RXFP1: variants seen among roughly 807,000 people sequenced by gnomAD.
RXFP1 encodes relaxin family peptide receptor 1.
Under a neutral mutation model 89.8 loss-of-function variants are expected in RXFP1, and 73 were observed. That is an observed-to-expected ratio of 0.81 (90% CI 0.67 to 0.99). The LOEUF is 0.99. RXFP1 is among the 50% of genes least tolerant of loss of function. The probability of loss-of-function intolerance (pLI) is 0.00; values close to 1 mark genes in which losing one functional copy is unlikely to be tolerated. For missense variants in RXFP1, 793 were observed against 895.5 expected (o/e 0.89, Z 1.46); for synonymous variants, 277 against 305.5 (o/e 0.91, Z 0.97).
chr4:158,577,660 A>G (rs1214253532), intron 2 of RXFP1, among the ~76,000 whole-genome samples: 2 of 152,144 alleles, frequency 1.3e-5, no homozygotes, highest in Admixed American at 6.5e-5. Context: ...CTTGACACTA[A>G]TAATAATTAT....
chr4:158,611,256 C>T (rs563358012), intron 6 of RXFP1, among the ~76,000 whole-genome samples: 14 of 152,152 alleles, frequency 9.2e-5, no homozygotes, highest in East Asian at 1.9e-4. Flanking sequence ...TCAAACTGTT[C>T]GATAGCAGAT....
At chr4:158,568,298 T>G (rs1754201737) in intron 1 of RXFP1, among the ~76,000 whole-genome samples, 3 of 152,142 alleles carry the variant, frequency 2.0e-5, no homozygotes, top group Non-Finnish European at 4.4e-5. Flanking sequence ...ATACAATCAT[T>G]GAGGAGCTAT....
chr4:158,592,755 C>G (rs1759750639), intron 2 of RXFP1, among the ~76,000 whole-genome samples: 2 of 151,986 alleles, frequency 1.3e-5, no homozygotes, highest in Admixed American at 6.6e-5. Flanking sequence ...CTTAAAACGT[C>G]AAAATATTAC....
intron 1 of RXFP1, among the ~76,000 whole-genome samples, chr4:158,540,535 A>G (rs1560969435): frequency 6.6e-6 from 1 of 151,648 alleles, no homozygotes; most frequent in East Asian, 1.9e-4. Flanking sequence ...TTTATCAGCA[A>G]GGTCTTTATG....
chr4:158,592,434 C>T (rs550691769), intron 2 of RXFP1, among the ~76,000 whole-genome samples: 59 of 151,998 alleles, frequency 3.9e-4, no homozygotes, highest in African/African-American at 1.3e-3. Flanking sequence ...ATTTGCTAGG[C>T]GTGGTGGCGG....
intron 2 of RXFP1, among the ~76,000 whole-genome samples, chr4:158,577,551 A>G (rs1206911733): frequency 6.6e-6 from 1 of 152,216 alleles, no homozygotes; most frequent in Non-Finnish European, 1.5e-5. Context: ...GTCAAATAAA[A>G]TACCTTCTTT....
intron 1 of RXFP1, among the ~76,000 whole-genome samples, chr4:158,525,840 G>A (rs866051610): frequency 6.6e-6 from 1 of 152,176 alleles, no homozygotes; most frequent in Non-Finnish European, 1.5e-5. Flanking sequence ...TCTTAGTAAT[G>A]TTACAAAGGA....
intron 6 of RXFP1, among the ~76,000 whole-genome samples, 176 bp from the exon 7 acceptor site, chr4:158,611,954 T>G (rs1454702912): frequency 6.6e-6 from 1 of 152,188 alleles, no homozygotes; most frequent in Non-Finnish European, 1.5e-5. Context: ...ATGGGGAAAT[T>G]TAAAACTAGG....
chr4:158,587,453 G>T (rs1269401467), intron 2 of RXFP1, among the ~76,000 whole-genome samples: 1 of 152,072 alleles, frequency 6.6e-6, no homozygotes, highest in Non-Finnish European at 1.5e-5. Context: ...AACAACTTCT[G>T]GTTGTTATTT....
intron 1 of RXFP1, among the ~76,000 whole-genome samples, chr4:158,567,929 G>A (rs1000851471): frequency 1.1e-4 from 16 of 152,148 alleles, no homozygotes; most frequent in South Asian, 2.1e-4. Context: ...TCTTTTGCTC[G>A]TTGCAATAAA....
At chr4:158,612,029 G>C in intron 6 of RXFP1, 101 bp from the exon 7 acceptor site, 1 of 885,240 alleles carries the variant, frequency 1.1e-6, no homozygotes, top group Admixed American at 2.4e-5. Flanking sequence ...TGATGAGAAT[G>C]CTATGTAAAA....
intron 1 of RXFP1, among the ~76,000 whole-genome samples, chr4:158,527,058 T>C (rs1208550895): frequency 2.6e-5 from 4 of 152,142 alleles, no homozygotes; most frequent in African/African-American, 9.7e-5. Context: ...GGGTGCTCAG[T>C]TGAACCAAAA....
intron 1 of RXFP1, among the ~76,000 whole-genome samples, chr4:158,542,108 TA>T (rs372285393): frequency 0.034 from 2,133 of 62,904 alleles, 117 homozygotes; most frequent in African/African-American, 0.13. Context: ...TATATATATA[TA>T]TTTTTTTTTT....
At chr4:158,527,493 A>G (rs985450851) in intron 1 of RXFP1, among the ~76,000 whole-genome samples, 3 of 149,210 alleles carry the variant, frequency 2.0e-5, no homozygotes, top group African/African-American at 7.4e-5. Flanking sequence ...CAATCAGCCA[A>G]GATCATGCCA....
At position 158,646,967 on chromosome 4, in the gene RXFP1, T is replaced by C. The variant is rs374507144; in HGVS notation, c.1522T>C (p.Leu508=). ...VSVLLLTFLT[L]EKYICIVYPF... ...AGTTTTACTGTTAACATTTCTGACA[T>C]TGGAAAAATACATCTGCATTGTCTA... The change falls in exon 16 of 18, where the codon TTG becomes CTG. Residue 508 remains leucine, a synonymous_variant. Transcript: ENST00000307765. 7 of 1,614,042 alleles carry C rather than the reference T, an allele frequency of 4.3e-6. No individual in the cohort carries two copies. The highest frequency in any genetic ancestry group is 1.6e-4 in the Middle Eastern group (1 of 6,084).
chr4:158,549,041 A>G (rs1438367015), intron 1 of RXFP1, among the ~76,000 whole-genome samples: 3 of 151,640 alleles, frequency 2.0e-5, no homozygotes, highest in Non-Finnish European at 4.4e-5. Flanking sequence ...TATCCTGCAG[A>G]GTGTTTTCCA....
At chr4:158,640,884 G>A (rs200662044) in intron 14 of RXFP1, among the ~76,000 whole-genome samples, 4 of 152,326 alleles carry the variant, frequency 2.6e-5, no homozygotes, top group East Asian at 1.9e-4. Flanking sequence ...AAGCAAGCGT[G>A]CATGGATGAA....
At chr4:158,557,383 G>A (rs929915938) in intron 1 of RXFP1, among the ~76,000 whole-genome samples, 8 of 152,102 alleles carry the variant, frequency 5.3e-5, no homozygotes, top group Non-Finnish European at 1.2e-4. Flanking sequence ...ATTCCTTAAA[G>A]TATCAGTTTG....
chr4:158,547,296 TG>T (rs983389491), intron 1 of RXFP1, among the ~76,000 whole-genome samples: 43 of 152,190 alleles, frequency 2.8e-4, no homozygotes, highest in African/African-American at 1.0e-3. Context: ...GGTGGTGATA[TG>T]CCCTTTATCA....
Sources: allele counts gnomAD v4.1 joint callset (sites outside exome capture counted in the v4.1 genomes callset), GRCh38; gene constraint gnomAD v4.1.1; transcripts MANE v1.5; gene names NCBI Gene and HGNC (gene_info 2026-07-23, HGNC 2026-07-21).